ATP10A: variants seen among roughly 807,000 people sequenced by gnomAD.
ATP10A encodes the protein phospholipid-transporting ATPase VA.
A neutral mutation model predicts 147.8 loss-of-function variants in ATP10A; 111 were observed. The observed-to-expected ratio is 0.75, with a 90% confidence interval of 0.64 to 0.88. ATP10A has a LOEUF of 0.88. Ranked by LOEUF, ATP10A falls within the 40% of genes least tolerant of loss-of-function variation. ATP10A has a pLI of 0.00. For synonymous variants in ATP10A, 875 were observed against 841.6 expected (o/e 1.04, Z -0.69); for missense variants, 1,927 against 1,959.0 (o/e 0.98, Z 0.31).
At chr15:25,793,188 A>G (rs539762224) in intron 1 of ATP10A, among the ~76,000 whole-genome samples, 6 of 152,178 alleles carry the variant, frequency 3.9e-5, no homozygotes, top group African/African-American at 1.2e-4. Flanking sequence ...TATTTTTAAG[A>G]CTGTCTTGGC....
At chr15:25,718,423 A>G in intron 7 of ATP10A, 24 bp from the exon 8 acceptor site, 5 of 1,566,120 alleles carry the variant, frequency 3.2e-6, no homozygotes, top group Non-Finnish European at 2.6e-6. Context: ...GCGCAGGGTG[A>G]GGCATCATGG....
intron 2 of ATP10A, among the ~76,000 whole-genome samples, chr15:25,767,331 G>A (rs570257067): frequency 6.6e-6 from 1 of 152,320 alleles, no homozygotes; most frequent in South Asian, 2.1e-4. Context: ...TCACCAGGAA[G>A]CAGAGGATGG....
chr15:25,752,852 G>C (rs1888225436), intron 2 of ATP10A, among the ~76,000 whole-genome samples: 1 of 151,986 alleles, frequency 6.6e-6, no homozygotes, highest in African/African-American at 2.4e-5. Context: ...ACGTTTTATA[G>C]TTTTCAGTAT....
intron 7 of ATP10A, among the ~76,000 whole-genome samples, chr15:25,720,498 T>A (rs940531791): frequency 1.3e-5 from 2 of 152,106 alleles, no homozygotes; most frequent in African/African-American, 2.4e-5. Context: ...AGGACTCTGC[T>A]GAGTTCTGTT....
In ATP10A at chr15:25,862,803, G is replaced by A. The variant is rs531922337; in HGVS notation, c.294C>T (p.Asn98=). 5.6e-6 allele frequency: 9 copies of A among 1,610,566 alleles called. No homozygotes were observed. In the African/African-American group the frequency reaches 9.3e-5, roughly 17 times the overall value. ...GGAAGGCGTTCACCGCCGGCACGAA[G>A]TTGAGCAGCGCGATGAAGACAAAGT... ...NVYFVFIALL[N]FVPAVNAFQP... The change falls in exon 1 of 21, where the codon AAC becomes AAT. Residue 98 remains asparagine (N), a synonymous_variant. Transcript: ENST00000555815.
At chr15:25,841,996 TG>T (rs1360383544) in intron 1 of ATP10A, among the ~76,000 whole-genome samples, 1 of 152,186 alleles carries the variant, frequency 6.6e-6, no homozygotes, top group Admixed American at 6.5e-5. Context: ...ACTGTGAAAT[TG>T]GTTGTAGGTT....
chr15:25,704,033 C>T (rs1325118945), intron 12 of ATP10A, among the ~76,000 whole-genome samples: 1 of 151,630 alleles, frequency 6.6e-6, no homozygotes, highest in Non-Finnish European at 1.5e-5. Flanking sequence ...GAGCACATCC[C>T]CAGCCACCCG....
At position 25,862,989 on chromosome 15, in the gene ATP10A, G is replaced by C; in HGVS notation, c.108C>G (p.Gly36=). The C allele has an allele frequency of 2.1e-6, 3 of 1,420,770 alleles. No individual in the cohort carries two copies. Among genetic ancestry groups the C allele is most frequent in the Non-Finnish European group, 2.7e-6 (3 of 1,096,814 alleles). 88.0% of individuals were successfully genotyped at this position (1,420,770 alleles called of 1,614,324 possible). ...CCGCGCCAGCCGCAGGGTCCTCGGC[G>C]CCCGGGGGCGGCAGCAGGTTGGAGC... is the stretch of plus-strand genomic sequence containing the variant. ...TVRSNLLPPP[G]AEDPAAGAAK... The change falls in exon 1 of 21, where the codon GGC becomes GGG. Residue 36 remains glycine (G), a synonymous_variant. Transcript: ENST00000555815.
chr15:25,683,366 T>A lies in ATP10A; in HGVS notation c.3412A>T (p.Thr1138Ser), dbSNP rs781060744. Residue 1138 changes from threonine (T) to serine (S), a missense_variant, in exon 17 of 21, where the codon ACT (threonine) becomes TCT (serine). Transcript: ENST00000555815. ...GGCACATCCCTGTCCAGCACCCCAGTCACGAGCGGGGGAAGTGACGAGAAG... is the reference window on the plus strand; with the variant it reads ...GGCACATCCCTGTCCAGCACCCCAGACACGAGCGGGGGAAGTGACGAGAAG... The part of the protein sequence containing the change: ...LLFSSLPPLV[T>S]GVLDRDVPAN... 1.5e-5 allele frequency: 24 copies of A among 1,613,904 alleles called. No homozygotes were observed. The Admixed American group carries it at 4.0e-4, about 27-fold the overall frequency.
intron 1 of ATP10A, among the ~76,000 whole-genome samples, chr15:25,783,548 T>G (rs1596879182): frequency 6.6e-6 from 1 of 152,088 alleles, no homozygotes; most frequent in East Asian, 1.9e-4. Flanking sequence ...GAGAGGAGTG[T>G]CCCCTGCCAT....
At chr15:25,835,456 C>T (rs1892548640) in intron 1 of ATP10A, among the ~76,000 whole-genome samples, 3 of 152,102 alleles carry the variant, frequency 2.0e-5, no homozygotes, top group Admixed American at 2.0e-4. Context: ...GGAAGCAGCT[C>T]CCTCCCTGGT....
chr15:25,789,784 T>C (rs748620222), intron 1 of ATP10A, among the ~76,000 whole-genome samples: 4 of 152,134 alleles, frequency 2.6e-5, no homozygotes, highest in Non-Finnish European at 5.9e-5. Flanking sequence ...ATATCCTTGA[T>C]GGTGGACAGC....
rs909589292 is a variant in ATP10A, at chr15:25,832,816, G to C, written c.449+29832C>G. On this transcript the variant is annotated intron_variant, in intron 1 of 20. Coordinates refer to ENST00000555815, the MANE Select transcript of ATP10A (RefSeq NM_024490.4). Reference sequence around the variant, plus strand: ...GTATTTTCCAATAGCTAGAAGAGAGGATTTTGAATGCTCCCAATAAAAAGA... The same window carrying C: ...GTATTTTCCAATAGCTAGAAGAGAGCATTTTGAATGCTCCCAATAAAAAGA... Among the ~76,000 whole-genome samples, 4 of 152,042 alleles carry C rather than the reference G, an allele frequency of 2.6e-5. No homozygotes were observed. In the South Asian group the frequency reaches 6.2e-4, roughly 24 times the overall value.
At chr15:25,695,815 AC>A (rs919600418) in intron 13 of ATP10A, among the ~76,000 whole-genome samples, 65 of 151,438 alleles carry the variant, frequency 4.3e-4, no homozygotes, top group African/African-American at 1.5e-3. Context: ...CCCTTACCTA[AC>A]CCCCCAAGGA....
chr15:25,697,834 C>T (rs1451859578), intron 13 of ATP10A, among the ~76,000 whole-genome samples: 2 of 152,160 alleles, frequency 1.3e-5, no homozygotes, highest in African/African-American at 4.8e-5. Context: ...GTGTTGACAG[C>T]ATGTACCCTT....
chr15:25,810,692 G>A (rs970546916), intron 1 of ATP10A, among the ~76,000 whole-genome samples: 8 of 152,050 alleles, frequency 5.3e-5, no homozygotes, highest in African/African-American at 1.4e-4. Context: ...AGCCAGCACC[G>A]CCCTGGGCAG....
chr15:25,753,781 T>TTA (rs577378003), intron 2 of ATP10A, among the ~76,000 whole-genome samples: 2,625 of 148,698 alleles, frequency 0.018, 39 homozygotes, highest in Middle Eastern at 0.043. Context: ...ATGATATATG[T>TTA]TATATATATA....
intron 13 of ATP10A, among the ~76,000 whole-genome samples, chr15:25,700,071 G>A (rs1333496908): frequency 6.6e-6 from 1 of 152,042 alleles, no homozygotes; most frequent in Non-Finnish European, 1.5e-5. Flanking sequence ...TTAGAAAATG[G>A]AAAAATACTT....
At chr15:25,770,582 G>T (rs1889283392) in intron 2 of ATP10A, among the ~76,000 whole-genome samples, 1 of 152,168 alleles carries the variant, frequency 6.6e-6, no homozygotes, top group African/African-American at 2.4e-5. Context: ...GAGTAGTGGG[G>T]GTAGTCACTC....
Sources: gnomAD v4.1 joint callset for allele counts (sites outside exome capture counted in the v4.1 genomes callset) on GRCh38, gnomAD v4.1.1 for gene constraint, MANE v1.5 for transcripts, NCBI Gene and HGNC (gene_info 2026-07-23, HGNC 2026-07-21) for gene names.